CFAP54: variants seen among roughly 807,000 people sequenced by gnomAD.
CFAP54 encodes the protein cilia and flagella associated protein 54.
A neutral mutation model predicts 370.4 loss-of-function variants in CFAP54; 290 were observed. That is an observed-to-expected ratio of 0.78 (90% CI 0.71 to 0.86). The LOEUF (loss-of-function observed/expected upper bound fraction) is 0.86. Ranked by LOEUF, CFAP54 falls within the 40% of genes least tolerant of loss-of-function variation. The pLI is 0.00. For synonymous variants in CFAP54, 1,206 were observed against 1,236.5 expected (o/e 0.98, Z 0.52); for missense variants, 3,399 against 3,528.7 (o/e 0.96, Z 0.93).
At chr12:96,531,043 G>A (rs1401709640) in intron 9 of CFAP54, among the ~76,000 whole-genome samples, 1 of 152,086 alleles carries the variant, frequency 6.6e-6, no homozygotes, top group East Asian at 1.9e-4. Flanking sequence ...AGTTTTGAGA[G>A]CTCTTTTTAT....
rs1041905602 is a variant in CFAP54, at chr12:96,519,004, G to T, written c.875G>T (p.Trp292Leu). The change falls in exon 6 of 68, where the codon TGG becomes TTG. Residue 292 changes from tryptophan to leucine, a missense_variant. By Grantham distance (61) the Trp-to-Leu change is moderately conservative. Transcript: ENST00000524981. ...VPLLSLRYLT[W>L]RATLYTAVCQ... ...CTCCTGTCACTCAGGTACTTGACATGGCGCGCTACTCTCTACACAGCTGTT... is the reference window on the plus strand; with the variant it reads ...CTCCTGTCACTCAGGTACTTGACATTGCGCGCTACTCTCTACACAGCTGTT... The T allele has an allele frequency of 5.2e-6, 8 of 1,536,030 alleles. No homozygotes were observed. The highest frequency in any genetic ancestry group is 7.0e-6 in the Non-Finnish European group (8 of 1,146,890).
At chr12:96,630,983 A>G (rs1442122490) in intron 32 of CFAP54, among the ~76,000 whole-genome samples, 3 of 151,988 alleles carry the variant, frequency 2.0e-5, no homozygotes, top group Admixed American at 2.0e-4. Flanking sequence ...TATAAAATAT[A>G]TTATGGCAAA....
At chr12:96,799,196 T>C (rs561890526) in intron 63 of CFAP54, among the ~76,000 whole-genome samples, 1 of 152,320 alleles carries the variant, frequency 6.6e-6, no homozygotes, top group African/African-American at 2.4e-5. Flanking sequence ...GATTTTAGGA[T>C]AGCCTTGAAA....
chr12:96,718,019 T>C (rs752726279), intron 48 of CFAP54, among the ~76,000 whole-genome samples: 4 of 152,198 alleles, frequency 2.6e-5, no homozygotes, highest in Non-Finnish European at 2.9e-5. Context: ...AAAAAATTAT[T>C]AAACTTATGG....
At chr12:96,722,273 G>A (rs772959270) in intron 50 of CFAP54, among the ~76,000 whole-genome samples, 2 of 152,168 alleles carry the variant, frequency 1.3e-5, no homozygotes, top group Non-Finnish European at 2.9e-5. Flanking sequence ...CCCTCTTGAC[G>A]TGTGTGTATC....
intron 40 of CFAP54, among the ~76,000 whole-genome samples, chr12:96,681,478 A>G (rs747787982): frequency 1.5e-4 from 23 of 152,104 alleles, no homozygotes; most frequent in Non-Finnish European, 3.1e-4. Flanking sequence ...AGCTATTTAA[A>G]AAAGGCAAAC....
intron 5 of CFAP54, among the ~76,000 whole-genome samples, chr12:96,517,510 C>G (rs1042166059): frequency 6.6e-6 from 1 of 152,116 alleles, no homozygotes; most frequent in African/African-American, 2.4e-5. Flanking sequence ...ATATACCACC[C>G]AACCCAAACC....
At chr12:96,524,197 A>G (rs1955350347) in intron 8 of CFAP54, among the ~76,000 whole-genome samples, 1 of 152,218 alleles carries the variant, frequency 6.6e-6, no homozygotes, top group African/African-American at 2.4e-5. Flanking sequence ...CTACTAATTC[A>G]GACTCCTAAT....
At chr12:96,843,390 T>G (rs1189545479) in intron 66 of CFAP54, among the ~76,000 whole-genome samples, 1 of 152,222 alleles carries the variant, frequency 6.6e-6, no homozygotes, top group African/African-American at 2.4e-5. Context: ...ACTTTGCTGC[T>G]GAGATTCCAA....
chr12:96,493,380 T>A (rs1271542103), intron 1 of CFAP54, among the ~76,000 whole-genome samples: 1 of 152,232 alleles, frequency 6.6e-6, no homozygotes, highest in African/African-American at 2.4e-5. Context: ...AGCACTTATA[T>A]GTGTCAGGCT....
intron 64 of CFAP54, among the ~76,000 whole-genome samples, chr12:96,815,145 G>T (rs1208519720): frequency 3.9e-5 from 6 of 152,132 alleles, no homozygotes. Flanking sequence ...CTTCCATAAT[G>T]GTTGAACTAA....
intron 64 of CFAP54, among the ~76,000 whole-genome samples, chr12:96,814,584 A>G (rs1958957370): frequency 6.6e-6 from 1 of 152,228 alleles, no homozygotes; most frequent in South Asian, 2.1e-4. Flanking sequence ...CATGTACAGA[A>G]CGTGCAGATT....
intron 1 of CFAP54, among the ~76,000 whole-genome samples, chr12:96,499,238 G>A (rs1022117722): frequency 2.0e-4 from 31 of 151,944 alleles, no homozygotes; most frequent in African/African-American, 5.6e-4. Context: ...TTGGCCTCCC[G>A]AAGTGCTGGG....
chr12:96,872,083 A>G (rs1592826555), intron 67 of CFAP54, among the ~76,000 whole-genome samples: 1 of 152,188 alleles, frequency 6.6e-6, no homozygotes, highest in Non-Finnish European at 1.5e-5. Context: ...AGGAAGTTCA[A>G]TGAACTCCAA....
intron 39 of CFAP54, among the ~76,000 whole-genome samples, chr12:96,676,268 T>C (rs1169551115): frequency 6.6e-6 from 1 of 152,162 alleles, no homozygotes; most frequent in Admixed American, 6.5e-5. Context: ...GGGACAAGCC[T>C]GAGAAAAGTT....
intron 65 of CFAP54, 38 bp from the exon 66 acceptor site, chr12:96,828,976 A>G (rs1174490220): frequency 3.7e-6 from 4 of 1,080,086 alleles, no homozygotes; most frequent in Non-Finnish European, 5.3e-6. Context: ...GTTTCTAATA[A>G]TATCAACCTC....
chr12:96,710,010 T>C (rs1957593367), intron 48 of CFAP54, among the ~76,000 whole-genome samples: 1 of 152,138 alleles, frequency 6.6e-6, no homozygotes, highest in South Asian at 2.1e-4. Flanking sequence ...AGCCACTGCA[T>C]GTGGCCAATA....
At chr12:96,647,472 C>CAAAAAA (rs57089692) in intron 33 of CFAP54, among the ~76,000 whole-genome samples, 439 of 40,666 alleles carry the variant, frequency 0.011, 27 homozygotes, top group East Asian at 0.039. Flanking sequence ...GACTCTGTCC[C>CAAAAAA]AAAAAAAAAA....
intron 33 of CFAP54, chr12:96,646,440 A>G (rs1269604742): frequency 6.6e-6 from 1 of 152,228 alleles, no homozygotes; most frequent in East Asian, 1.9e-4. Flanking sequence ...TTAAAAAGTC[A>G]GGAAACAAGA....
Sources: gnomAD v4.1 joint callset for allele counts (sites outside exome capture counted in the v4.1 genomes callset) on GRCh38, gnomAD v4.1.1 for gene constraint, MANE v1.5 for transcripts, NCBI Gene and HGNC (gene_info 2026-07-23, HGNC 2026-07-21) for gene names.